CILK1: variants seen among roughly 807,000 people sequenced by gnomAD.
CILK1 encodes the protein ciliogenesis associated kinase 1.
Under a neutral mutation model 79.2 loss-of-function variants are expected in CILK1, and 47 were observed. That is an observed-to-expected ratio of 0.59 (90% CI 0.47 to 0.76). CILK1 has a LOEUF of 0.76. CILK1 is among the 30% of genes least tolerant of loss of function. The pLI is 0.00. For missense variants in CILK1, 660 were observed against 769.5 expected (o/e 0.86, Z 1.68); for synonymous variants, 266 against 275.9 (o/e 0.96, Z 0.36).
At position 53,044,569 on chromosome 6, in the gene CILK1, G is replaced by A. The variant is rs116631992; in HGVS notation, c.-172-3161C>T. The stretch of plus-strand genomic sequence containing the variant: ...AGTGGGTAGAACAAAAATTTTGTGT[G>A]CATTGCGAGGAAAACAAATGGGGTA... On this transcript the variant is annotated intron_variant, in intron 1 of 13. Coordinates refer to ENST00000676107, the MANE Select transcript of CILK1 (RefSeq NM_014920.5). 2.2e-3 allele frequency among the ~76,000 whole-genome samples: 330 copies of A among 152,250 alleles called. 3 individuals are homozygous for A. The highest frequency in any genetic ancestry group is 7.4e-3 in the African/African-American group (309 of 41,518).
rs770379891 is a variant in CILK1 at position 53,009,534 on chromosome 6, G to C, written c.1526C>G (p.Pro509Arg). 6.2e-7 allele frequency: 1 copy of C among 1,611,508 alleles called. No homozygotes were observed. The highest frequency in any genetic ancestry group is 2.2e-5 in the East Asian group (1 of 44,880). ...ISIRNGILSN[P>R]GKEFIPPNPW... ...ATTAGGTGGAATAAATTCCTTGCCT[G>C]GATTCGAGAGTATGCCATTTCTTAT... is the stretch of plus-strand genomic sequence containing the variant. The change falls in exon 12 of 14, where the codon CCA becomes CGA. Residue 509 changes from proline to arginine, a missense_variant. Transcript: ENST00000676107.
intron 5 of CILK1, among the ~76,000 whole-genome samples, chr6:53,024,647 CAG>C (rs1054098901): frequency 2.0e-5 from 3 of 152,194 alleles, no homozygotes; most frequent in Admixed American, 6.5e-5. Context: ...CCTAAAAACT[CAG>C]AGTGTTCAAA....
chr6:53,032,739 T>A (rs1766053292), intron 3 of CILK1, 85 bp from the exon 4 acceptor site: 1 of 1,140,742 alleles, frequency 8.8e-7, no homozygotes, highest in South Asian at 1.4e-5. Flanking sequence ...TATGTATACT[T>A]GGAAAGAAAC....
At position 53,005,099 on chromosome 6, in the gene CILK1, G is replaced by A; in HGVS notation, c.*50C>T. 1.9e-6 allele frequency: 3 copies of A among 1,608,204 alleles called. No homozygotes were observed. Among genetic ancestry groups the A allele is most frequent in the Non-Finnish European group, 2.6e-6 (3 of 1,176,046 alleles). On this transcript the variant is annotated 3_prime_UTR_variant, in exon 14 of 14. Coordinates refer to ENST00000676107, the MANE Select transcript of CILK1 (RefSeq NM_014920.5). ...CAGGTAGAACACCAGTCAGCTGAGG[G>A]AAAGTATCCTGCTTCTCCCTAGGAA...
rs115214880 is a variant in CILK1, at chr6:53,042,487, G to A, written c.-172-1079C>T. On this transcript the variant is annotated intron_variant, in intron 1 of 13. Coordinates refer to ENST00000676107, the MANE Select transcript of CILK1 (RefSeq NM_014920.5). ...AACTTAAGTGTGCTCCATGAACTAC[G>A]TGTGGCTAAGCATCAATGGTATTAT... 6.3e-3 allele frequency among the ~76,000 whole-genome samples: 963 copies of A among 152,288 alleles called. 4 individuals carry two copies. The highest frequency in any genetic ancestry group is 9.5e-3 in the Non-Finnish European group (647 of 68,024).
intron 1 of CILK1, among the ~76,000 whole-genome samples, chr6:53,059,275 T>C (rs1384871171): frequency 6.6e-6 from 1 of 152,134 alleles, no homozygotes; most frequent in Non-Finnish European, 1.5e-5. Context: ...AGTAGGAGAA[T>C]TACAGAAGGC....
In CILK1 at chr6:53,013,660, A is replaced by T. The variant is rs764014678; in HGVS notation, c.1152+2T>A. The T allele has an allele frequency of 6.2e-7, 1 of 1,614,056 alleles. No homozygotes were observed. Among genetic ancestry groups the T allele is most frequent in the Admixed American group, 1.7e-5 (1 of 60,034 alleles). On this transcript the variant is annotated splice_donor_variant, in intron 9 of 13. Coordinates refer to ENST00000676107, the MANE Select transcript of CILK1 (RefSeq NM_014920.5). LOFTEE classifies it high-confidence loss of function. The stretch of plus-strand genomic sequence containing the variant: ...GCTCACTGGTGAATCTGGGCTGCTC[A>T]CCGACTGTGGATGCTTGTTGTGGAG...
At chr6:53,021,258 G>A (rs1017799912) in intron 5 of CILK1, among the ~76,000 whole-genome samples, 5 of 151,668 alleles carry the variant, frequency 3.3e-5, no homozygotes, top group Admixed American at 1.3e-4. Flanking sequence ...CTGCGAGGTG[G>A]AGGTTGCAGT....
chr6:53,027,923 G>A (rs1489505211), intron 5 of CILK1, among the ~76,000 whole-genome samples: 1 of 152,126 alleles, frequency 6.6e-6, no homozygotes, highest in African/African-American at 2.4e-5. Flanking sequence ...CGAGGCGGGT[G>A]GATCACGAGG....
chr6:53,012,503 G>C (rs945071496), intron 9 of CILK1, among the ~76,000 whole-genome samples: 3 of 152,030 alleles, frequency 2.0e-5, no homozygotes, highest in Non-Finnish European at 4.4e-5. Context: ...CAGGAAGATG[G>C]CTAAATTCAT....
At chr6:53,006,588 G>T in intron 12 of CILK1, 151 bp from the exon 13 acceptor site, 2 of 869,088 alleles carry the variant, frequency 2.3e-6, no homozygotes, top group Non-Finnish European at 3.6e-6. Flanking sequence ...TCAGAGCCAA[G>T]CATCCCACCA....
At chr6:53,022,082 GA>G (rs1765278757) in intron 5 of CILK1, among the ~76,000 whole-genome samples, 2 of 151,996 alleles carry the variant, frequency 1.3e-5, no homozygotes, top group South Asian at 4.1e-4. Flanking sequence ...GGGATATAAA[GA>G]AAATATTTTT....
intron 5 of CILK1, among the ~76,000 whole-genome samples, chr6:53,021,119 C>T (rs927960662): frequency 7.2e-5 from 11 of 152,260 alleles, no homozygotes; most frequent in African/African-American, 1.2e-4. Flanking sequence ...GTCAGGAGTT[C>T]GAGACCAGCC....
intron 5 of CILK1, among the ~76,000 whole-genome samples, chr6:53,027,472 C>A (rs764309180): frequency 5.3e-5 from 8 of 152,184 alleles, no homozygotes. Flanking sequence ...GTACTAACTA[C>A]CTGCAGCACT....
chr6:53,025,455 T>A (rs1274938237), intron 5 of CILK1, among the ~76,000 whole-genome samples: 1 of 152,194 alleles, frequency 6.6e-6, no homozygotes, highest in African/African-American at 2.4e-5. Context: ...CATGCTCCTG[T>A]AAACACTGGC....
Position 53,004,417 on chromosome 6 carries a change from TAATTAAG to T in CILK1, c.*725_*731del, listed in dbSNP as rs1764101631. The stretch of plus-strand genomic sequence containing the variant: ...TAAATTAGAATATAATGGCATAGTA[TAATTAAG>T]CTTGGTTTCATCTGAGATCTGCAAC... On this transcript the variant is annotated 3_prime_UTR_variant, in exon 14 of 14. Transcript: ENST00000676107. 1 of 152,228 alleles carries T rather than the reference TAATTAAG, an allele frequency of 6.6e-6. No homozygotes were observed. Among genetic ancestry groups the T allele is most frequent in the Admixed American group, 6.5e-5 (1 of 15,288 alleles). 9.4% of individuals were successfully genotyped at this position (152,228 alleles called of 1,614,324 possible).
chr6:53,013,159 T>C (rs977366612), intron 9 of CILK1, among the ~76,000 whole-genome samples: 1 of 152,342 alleles, frequency 6.6e-6, no homozygotes, highest in Admixed American at 6.5e-5. Flanking sequence ...CTTTGATAAA[T>C]GAGGAAACTG....
rs538250374 is a variant in CILK1, at chr6:53,049,382, T to C, written c.-172-7974A>G. 1.7e-4 allele frequency among the ~76,000 whole-genome samples: 26 copies of C among 152,378 alleles called. 1 individual carries two copies. The East Asian group carries it at 4.8e-3, about 28-fold the overall frequency. On this transcript the variant is annotated intron_variant, in intron 1 of 13. Transcript: ENST00000676107. ...CAGCTGGAGACAAATTAGAAGTAAC[T>C]ATTAGCCTAATGTTCATTTGCTTTC...
At chr6:53,045,446 C>T (rs576265405) in intron 1 of CILK1, among the ~76,000 whole-genome samples, 28 of 152,142 alleles carry the variant, frequency 1.8e-4, no homozygotes, top group Non-Finnish European at 3.5e-4. Context: ...AATCGTATTT[C>T]GAGCACCCAT....
Sources: gnomAD v4.1 joint callset for allele counts (sites outside exome capture counted in the v4.1 genomes callset) on GRCh38, gnomAD v4.1.1 for gene constraint, MANE v1.5 for transcripts, NCBI Gene and HGNC (gene_info 2026-07-23, HGNC 2026-07-21) for gene names.